Variants in NTRK3 observed in about 807,000 individuals in gnomAD.
NTRK3 encodes the protein NT-3 growth factor receptor.
Under a neutral mutation model 91.7 loss-of-function variants are expected in NTRK3, and 24 were observed. The ratio of observed to expected loss-of-function variants is 0.26; its 90% CI spans 0.19 to 0.37. The LOEUF (loss-of-function observed/expected upper bound fraction) is 0.37. Among genes scored for constraint, NTRK3 ranks in the 10% least tolerant of loss-of-function variants. The probability of loss-of-function intolerance (pLI) is 1.00; values close to 1 mark genes in which losing one functional copy is unlikely to be tolerated. For synonymous variants in NTRK3, 483 were observed against 404.0 expected, an observed-to-expected ratio of 1.20 and a Z score of -2.34; for missense variants, 880 against 1,068.9, an observed-to-expected ratio of 0.82 and a Z score of 2.46.
Position 88,233,594 on chromosome 15 carries a change from T to C in NTRK3, c.248+22312A>G, listed in dbSNP as rs2051405793. On this transcript the variant is annotated intron_variant, in intron 3 of 18. Coordinates refer to ENST00000394480, the Ensembl canonical transcript of NTRK3. This position sits in a 1 kb window ranked among gnomAD's most constrained non-coding sequence, Gnocchi z 4.2. ...GCCTCCTTAATTTGCAGGCTAGCCCTACTGTCCTGAAACTCCAAAACTCTC... is the reference window on the plus strand; with the variant it reads ...GCCTCCTTAATTTGCAGGCTAGCCCCACTGTCCTGAAACTCCAAAACTCTC... 6.6e-6 allele frequency among the ~76,000 whole-genome samples: 1 copy of C among 152,120 alleles called. No homozygotes were observed.
intron 14 of NTRK3, among the ~76,000 whole-genome samples, chr15:87,943,168 G>A (rs746401127): frequency 6.6e-6 from 1 of 152,148 alleles, no homozygotes; most frequent in South Asian, 2.1e-4. Context: ...AAGTTCCCAG[G>A]TGCTGCTGGT....
chr15:88,114,132 G>A (rs994439693), intron 13 of NTRK3, among the ~76,000 whole-genome samples: 4 of 152,170 alleles, frequency 2.6e-5, no homozygotes, highest in Admixed American at 6.5e-5. Context: ...CACCAGAGCC[G>A]TGGCTTTCAC....
chr15:88,124,192 A>G (rs1017913433), intron 13 of NTRK3, among the ~76,000 whole-genome samples: 88 of 152,246 alleles, frequency 5.8e-4, no homozygotes, highest in African/African-American at 2.0e-3. Flanking sequence ...CATCTTGCCT[A>G]TAACTCCAGT....
chr15:88,172,581 G>C (rs1364542369), intron 5 of NTRK3, among the ~76,000 whole-genome samples: 1 of 152,182 alleles, frequency 6.6e-6, no homozygotes, highest in Admixed American at 6.5e-5. Flanking sequence ...TTCAGTCCAG[G>C]GGATTCTAGA....
chr15:87,947,094 G>A (rs573658610), intron 14 of NTRK3, among the ~76,000 whole-genome samples: 1 of 152,084 alleles, frequency 6.6e-6, no homozygotes, highest in African/African-American at 2.4e-5. Context: ...GGCCAGGCTG[G>A]TCTCAAACTC....
intron 14 of NTRK3, among the ~76,000 whole-genome samples, chr15:88,007,884 C>G (rs1438664936): frequency 6.6e-6 from 1 of 152,162 alleles, no homozygotes; most frequent in Admixed American, 6.5e-5. Context: ...GCCTTATACC[C>G]TATGATGCTG....
At chr15:88,106,984 C>G (rs1341907793) in intron 13 of NTRK3, among the ~76,000 whole-genome samples, 1 of 151,398 alleles carries the variant, frequency 6.6e-6, no homozygotes, top group Non-Finnish European at 1.5e-5. Context: ...AGGTACAGAT[C>G]TACAGTTACA....
chr15:88,040,991 T>C (rs915319821), intron 13 of NTRK3, among the ~76,000 whole-genome samples: 4 of 152,222 alleles, frequency 2.6e-5, no homozygotes, highest in Admixed American at 2.6e-4. Context: ...TTTCAAGCCA[T>C]TTTGTTTGAC....
chr15:88,076,776 C>A (rs1369879924), intron 13 of NTRK3, among the ~76,000 whole-genome samples: 1 of 151,332 alleles, frequency 6.6e-6, no homozygotes, highest in Non-Finnish European at 1.5e-5. Context: ...CATTATCCAG[C>A]AAGCAGGGAA....
chr15:88,102,465 C>A (rs779295712), intron 13 of NTRK3, among the ~76,000 whole-genome samples: 3 of 152,040 alleles, frequency 2.0e-5, no homozygotes, highest in African/African-American at 4.8e-5. Flanking sequence ...CTACAGTTAA[C>A]AATAATTTAT....
intron 17 of NTRK3, among the ~76,000 whole-genome samples, chr15:87,925,937 A>G (rs905144084): frequency 1.3e-5 from 2 of 152,238 alleles, no homozygotes; most frequent in African/African-American, 4.8e-5. Flanking sequence ...GATAATATAA[A>G]CAGGAGTTTA....
intron 10 of NTRK3, 60 bp from the exon 11 acceptor site, chr15:88,128,794 T>G: frequency 1.4e-6 from 2 of 1,446,894 alleles, no homozygotes; most frequent in Middle Eastern, 1.8e-4. Context: ...ACAGACACAC[T>G]ACTTGGTCCT....
In NTRK3 at chr15:87,880,995, A is replaced by G. The variant is rs537193558; in HGVS notation, c.2134-567T>C. Among the ~76,000 whole-genome samples, 5 of 152,364 alleles carry G rather than the reference A, an allele frequency of 3.3e-5. 1 individual carries two copies. In the South Asian group the frequency reaches 1.0e-3, roughly 32 times the overall value. The stretch of plus-strand genomic sequence containing the variant: ...CACGTGCTAATAAGGTAGGAGATGG[A>G]CAGAAAGAGAATTCACCACAGTTCT... On this transcript the variant is annotated intron_variant, in intron 17 of 18. Coordinates refer to ENST00000394480, the Ensembl canonical transcript of NTRK3.
At chr15:88,093,309 G>T (rs990095909) in intron 13 of NTRK3, among the ~76,000 whole-genome samples, 1 of 152,066 alleles carries the variant, frequency 6.6e-6, no homozygotes, top group East Asian at 1.9e-4. Context: ...AAAAAGGGAG[G>T]GGGGAAGGAA....
intron 14 of NTRK3, among the ~76,000 whole-genome samples, chr15:88,031,001 G>C (rs372394301): frequency 1.3e-5 from 2 of 152,278 alleles, no homozygotes; most frequent in South Asian, 2.1e-4. Flanking sequence ...CCTTAGCTTA[G>C]GACAGCTGTG....
chr15:88,206,021 G>C (rs1202244629), intron 3 of NTRK3: 1 of 152,254 alleles, frequency 6.6e-6, no homozygotes, highest in Admixed American at 6.5e-5. Flanking sequence ...ACAGCAGCTA[G>C]AGATGCCTTG....
chr15:87,949,741 C>T (rs1348162657), intron 14 of NTRK3, among the ~76,000 whole-genome samples: 2 of 152,188 alleles, frequency 1.3e-5, no homozygotes, highest in Non-Finnish European at 2.9e-5. Context: ...ACTTCCTGGT[C>T]TCTATATTCT....
At chr15:88,077,091 C>T (rs577242158) in intron 13 of NTRK3, among the ~76,000 whole-genome samples, 30 of 152,170 alleles carry the variant, frequency 2.0e-4, no homozygotes, top group Non-Finnish European at 4.1e-4. Context: ...TAGACTCCAT[C>T]AAATAAATAA....
exon 19 of NTRK3, chr15:87,876,608 G>C (rs2064957438): frequency 4.6e-6 from 1 of 217,310 alleles, no homozygotes; most frequent in African/African-American, 2.3e-5. Context: ...TAATATTTTA[G>C]AGTTTCTGAG....
Sources: gnomAD v4.1 joint callset for allele counts (sites outside exome capture counted in the v4.1 genomes callset) on GRCh38, gnomAD v4.1.1 for gene constraint, Gnocchi (gnomAD v3.1) non-coding constraint, MANE v1.5 for transcripts, NCBI Gene and HGNC (gene_info 2026-07-23, HGNC 2026-07-21) for gene names.